FRMD7: variants seen among roughly 807,000 people sequenced by gnomAD.
FRMD7 encodes the protein FERM domain-containing protein 7.
FRMD7 carries 14 observed loss-of-function variants against 44.1 expected under a neutral mutation model. The ratio of observed to expected loss-of-function variants is 0.32; its 90% CI spans 0.21 to 0.50. The LOEUF (loss-of-function observed/expected upper bound fraction) is 0.50. Among genes scored for constraint, FRMD7 ranks in the 20% least tolerant of loss-of-function variants. The pLI is 0.99. For missense variants in FRMD7, 501 were observed against 522.3 expected, an observed-to-expected ratio of 0.96 and a Z score of 0.40; for synonymous variants, 212 against 187.4, an observed-to-expected ratio of 1.13 and a Z score of -1.07.
intron 5 of FRMD7, among the ~76,000 whole-genome samples, chrX:132,089,133 G>C (rs1928088766): frequency 8.9e-6 from 1 of 112,130 alleles, no homozygotes; most frequent in Non-Finnish European, 1.9e-5. Flanking sequence ...TGTGGTAATG[G>C]CATAAGAATA....
chrX:132,122,514 G>C (rs765153384), intron 1 of FRMD7, among the ~76,000 whole-genome samples: 6 of 112,329 alleles, frequency 5.3e-5, no homozygotes, highest in Non-Finnish European at 1.1e-4. Flanking sequence ...AAACTTGAAG[G>C]TCATTTAGAT....
intron 5 of FRMD7, 30 bp downstream of exon 5, chrX:132,094,012 T>A (rs1245421051): frequency 2.2e-6 from 2 of 902,288 alleles, no homozygotes; most frequent in Non-Finnish European, 3.2e-6. Flanking sequence ...GGCTGATAGG[T>A]CCCAAAGCAG....
At chrX:132,100,775 G>T in intron 1 of FRMD7, 59 bp from the exon 2 acceptor site, 2 of 814,402 alleles carry the variant, frequency 2.5e-6, no homozygotes, top group African/African-American at 2.0e-5. Flanking sequence ...ACTGCAGCAC[G>T]GAATAAAGGG....
chrX:132,115,711 A>G (rs1192315140), intron 1 of FRMD7, among the ~76,000 whole-genome samples: 4 of 112,050 alleles, frequency 3.6e-5, no homozygotes, highest in African/African-American at 1.3e-4. Context: ...AAGCTGACTC[A>G]TTGCTATTTA....
At chrX:132,090,944 C>T (rs1293060232) in intron 5 of FRMD7, among the ~76,000 whole-genome samples, 1 of 111,042 alleles carries the variant, frequency 9.0e-6, no homozygotes, top group African/African-American at 3.3e-5. Context: ...GTTATAAGCA[C>T]CTTCACTGTT....
At chrX:132,093,068 A>G (rs2124239156) in intron 5 of FRMD7, among the ~76,000 whole-genome samples, 1 of 111,381 alleles carries the variant, frequency 9.0e-6, no homozygotes, top group South Asian at 3.9e-4. Flanking sequence ...ACAGCCTTCC[A>G]TGATTACCAT....
In FRMD7 at chrX:132,085,902, C is replaced by T. The variant is rs750658725; in HGVS notation, c.497+18G>A. The stretch of plus-strand genomic sequence containing the variant: ...TGTTCTCTACTGGGGGAAGCAGGTG[C>T]CAGCTGAAAGTACTTACATGTGCTT... On this transcript the variant is annotated intron_variant, in intron 6 of 11. Transcript: ENST00000298542. 19 of 1,100,910 alleles carry T rather than the reference C, an allele frequency of 1.7e-5. No homozygotes were observed. The South Asian group carries it at 2.8e-4, about 16-fold the overall frequency. 90.7% of individuals were successfully genotyped at this position (1,100,910 alleles called of 1,213,427 possible).
Position 132,078,029 on chromosome X carries a change from T to C in FRMD7, c.1988A>G (p.Tyr663Cys), listed in dbSNP as rs776699473. 4.1e-6 allele frequency: 5 copies of C among 1,210,385 alleles called. No homozygotes were observed. Among genetic ancestry groups the C allele is most frequent in the South Asian group, 3.5e-5 (2 of 56,953 alleles). ...CCTTATTTCTTTGCCATACAAAGCA[T>C]AGTAGTCTGGTTTAAGAATCTCTGA... ...SESEILKPDY[Y>C]ALYGKEIRSP... is the part of the protein sequence containing the mutation. The change falls in exon 12 of 12, where the codon TAT (tyrosine) becomes TGT (cysteine). Residue 663 changes from tyrosine to cysteine, a missense_variant. By Grantham distance (194) the Tyr-to-Cys change is radical. This residue lies in a region of FRMD7 where 453 missense variants were observed against 452.7 expected (regional missense o/e 1.00). Coordinates refer to ENST00000298542, the MANE Select transcript of FRMD7 (RefSeq NM_194277.3).
At chrX:132,108,346 A>T (rs1928695819) in intron 1 of FRMD7, among the ~76,000 whole-genome samples, 1 of 111,676 alleles carries the variant, frequency 9.0e-6, no homozygotes, top group African/African-American at 3.3e-5. Context: ...CATAATGAAG[A>T]TACAAAAAAA....
intron 5 of FRMD7, among the ~76,000 whole-genome samples, chrX:132,093,699 G>T (rs997998558): frequency 1.4e-4 from 16 of 112,531 alleles, no homozygotes; most frequent in Admixed American, 1.4e-3. Context: ...ATTATCCTGG[G>T]GTAAGCAGAG....
chrX:132,097,785 G>A (rs1928385241), intron 3 of FRMD7, among the ~76,000 whole-genome samples: 1 of 112,125 alleles, frequency 8.9e-6, no homozygotes, highest in Non-Finnish European at 1.9e-5. Context: ...AAAGCATGAT[G>A]GACTGATACC....
chrX:132,104,096 A>C (rs1928581514), intron 1 of FRMD7, among the ~76,000 whole-genome samples: 1 of 112,132 alleles, frequency 8.9e-6, no homozygotes. Flanking sequence ...GTGAGGGTTA[A>C]ATAAAATAAT....
intron 1 of FRMD7, among the ~76,000 whole-genome samples, chrX:132,111,862 C>A (rs1928785711): frequency 8.9e-6 from 1 of 112,107 alleles, no homozygotes; most frequent in Non-Finnish European, 1.9e-5. Context: ...TTCACCTCGA[C>A]TGAGCTCTGT....
At chrX:132,079,810 A>G (rs1792274016) in intron 11 of FRMD7, among the ~76,000 whole-genome samples, 196 bp downstream of exon 11, 1 of 111,939 alleles carries the variant, frequency 8.9e-6, no homozygotes, top group Admixed American at 9.5e-5. Context: ...TATAAGGTAC[A>G]CACCAGTGGT....
At chrX:132,085,017 T>G (rs758314332) in intron 7 of FRMD7, among the ~76,000 whole-genome samples, 4 of 111,500 alleles carry the variant, frequency 3.6e-5, no homozygotes, top group Non-Finnish European at 7.5e-5. Context: ...CTATATTGAA[T>G]ATATAACCTT....
chrX:132,090,022 T>C (rs1354747442), intron 5 of FRMD7, among the ~76,000 whole-genome samples: 1 of 112,403 alleles, frequency 8.9e-6, no homozygotes, highest in African/African-American at 3.2e-5. Flanking sequence ...CCAATGCTTA[T>C]AGCATTATTC....
chrX:132,123,440 C>T (rs1370432057), intron 1 of FRMD7, among the ~76,000 whole-genome samples: 1 of 112,027 alleles, frequency 8.9e-6, no homozygotes, highest in Non-Finnish European at 1.9e-5. Context: ...CCTTCTATTA[C>T]ACCAAAGCAA....
At chrX:132,117,416 A>G (rs1928928184) in intron 1 of FRMD7, among the ~76,000 whole-genome samples, 1 of 112,282 alleles carries the variant, frequency 8.9e-6, no homozygotes, top group Non-Finnish European at 1.9e-5. Flanking sequence ...CATGTACAAC[A>G]TGATGTTTTA....
chrX:132,085,611 A>G lies in FRMD7; in HGVS notation c.615T>C (p.Ala205=). The change falls in exon 7 of 12, where the codon GCT becomes GCC. Residue 205 remains alanine, a synonymous_variant. Coordinates refer to ENST00000298542, the MANE Select transcript of FRMD7 (RefSeq NM_194277.3). ...SDGEGMQIHL[A]VAHMGVLVLR... is the part of the protein sequence containing the mutation. ...ACACCAGTACTCCCATGTGAGCAAC[A>G]GCCAGGTGAATCTGCATCCCTTCAC... 1 of 1,211,296 alleles carries G rather than the reference A, an allele frequency of 8.3e-7. No individual in the cohort carries two copies. Among genetic ancestry groups the G allele is most frequent in the Non-Finnish European group, 1.1e-6 (1 of 894,958 alleles).
Sources: gnomAD v4.1 joint callset for allele counts (sites outside exome capture counted in the v4.1 genomes callset) on GRCh38, gnomAD v4.1.1 for gene constraint, gnomAD v4.1.1 regional missense constraint, MANE v1.5 for transcripts, NCBI Gene and HGNC (gene_info 2026-07-23, HGNC 2026-07-21) for gene names.